The following SEL1L3 variants were observed in gnomAD, a reference collection of about 807,000 sequenced individuals.
SEL1L3 encodes protein sel-1 homolog 3.
In SEL1L3, 76 loss-of-function variants were observed where a neutral mutation model predicts 142.8. The ratio of observed to expected loss-of-function variants is 0.53; its 90% CI spans 0.44 to 0.64. SEL1L3 has a LOEUF of 0.64. SEL1L3 is among the 30% of genes least tolerant of loss of function. The pLI, the probability that SEL1L3 is intolerant of heterozygous loss-of-function variation, is 0.00. For synonymous variants in SEL1L3, 504 were observed against 519.6 expected, an observed-to-expected ratio of 0.97 and a Z score of 0.41; for missense variants, 1,262 against 1,381.7, an observed-to-expected ratio of 0.91 and a Z score of 1.37.
In SEL1L3 at chr4:25,841,788, C is replaced by T. The variant is rs534161687; in HGVS notation, c.733+5506G>A. On this transcript the variant is annotated intron_variant, in intron 2 of 23. Coordinates refer to ENST00000399878, the MANE Select transcript of SEL1L3 (RefSeq NM_015187.5). ...CAGCCTGGCCAACATAGCGAAACAC[C>T]ATCTCTACTGAAAATACAAAAATTA... Among the ~76,000 whole-genome samples, 5 of 152,186 alleles carry T rather than the reference C, an allele frequency of 3.3e-5. No individual in the cohort carries two copies. In the South Asian group the frequency reaches 1.0e-3, roughly 32 times the overall value.
At chr4:25,743,894 C>G (rs769837958), downstream of SEL1L3, among the ~76,000 whole-genome samples, 2 of 152,116 alleles carry the variant, frequency 1.3e-5, no homozygotes, top group African/African-American at 2.4e-5. Flanking sequence ...GGGTTCTATT[C>G]CAGCCAGCTT....
intron 9 of SEL1L3, 87 bp downstream of exon 9, chr4:25,818,051 A>T (rs747151013): frequency 2.2e-6 from 3 of 1,390,958 alleles, no homozygotes; most frequent in Non-Finnish European, 2.9e-6. Flanking sequence ...ACTTTAAGGC[A>T]TAAATCACCA....
At chr4:25,820,583 T>C (rs1714687982) in intron 7 of SEL1L3, among the ~76,000 whole-genome samples, 1 of 152,262 alleles carries the variant, frequency 6.6e-6, no homozygotes. Flanking sequence ...GGTCACACAG[T>C]TATTTCAGTG....
At chr4:25,770,384 T>G (rs1719072790) in intron 17 of SEL1L3, 1 of 152,106 alleles carries the variant, frequency 6.6e-6, no homozygotes. Flanking sequence ...GAGGAAACAC[T>G]GAAATCCATC....
At chr4:25,715,928 T>C in the SEL1L3 span, among the ~76,000 whole-genome samples, 1 of 152,188 alleles carries the variant, frequency 6.6e-6, no homozygotes, top group African/African-American at 2.4e-5. Flanking sequence ...ATTGGGTGAT[T>C]TGAAGAGGCA....
chr4:25,805,401 T>C (rs1713486849), intron 9 of SEL1L3, among the ~76,000 whole-genome samples: 1 of 152,160 alleles, frequency 6.6e-6, no homozygotes, highest in African/African-American at 2.4e-5. Flanking sequence ...AAGAATAACT[T>C]GTCTAAAGTT....
chr4:25,795,996 G>A (rs550866357), intron 11 of SEL1L3, among the ~76,000 whole-genome samples: 6 of 151,960 alleles, frequency 3.9e-5, no homozygotes, highest in Admixed American at 2.0e-4. Flanking sequence ...GGAACCAAGC[G>A]TCCCAGCCTG....
chr4:25,807,007 C>A (rs1332156811), intron 9 of SEL1L3, among the ~76,000 whole-genome samples: 1 of 152,088 alleles, frequency 6.6e-6, no homozygotes, highest in Admixed American at 6.5e-5. Context: ...TACAATAATT[C>A]GTATCCAAAT....
the SEL1L3 span, among the ~76,000 whole-genome samples, chr4:25,739,309 G>A: frequency 6.6e-6 from 1 of 152,150 alleles, no homozygotes; most frequent in Non-Finnish European, 1.5e-5. Context: ...GTAGAGAGAG[G>A]CCATAGAGAT....
At chr4:25,836,383 A>G (rs1715818831) in intron 2 of SEL1L3, among the ~76,000 whole-genome samples, 1 of 152,210 alleles carries the variant, frequency 6.6e-6, no homozygotes, top group African/African-American at 2.4e-5. Context: ...GTGGTGGCTC[A>G]CACCTGTAAT....
rs761270629 is a variant in SEL1L3 at position 25,832,980 on chromosome 4, C to T, written c.1098+15G>A. Reference sequence around the variant, plus strand: ...AATGCTCGTATGTCGTGTGATGAAGCGTGCATACAGATACCTGGCCTCCGT... The same window carrying T: ...AATGCTCGTATGTCGTGTGATGAAGTGTGCATACAGATACCTGGCCTCCGT... On this transcript the variant is annotated intron_variant, in intron 5 of 23. Coordinates refer to ENST00000399878, the MANE Select transcript of SEL1L3 (RefSeq NM_015187.5). 12 of 1,380,690 alleles carry T rather than the reference C, an allele frequency of 8.7e-6. No individual in the cohort carries two copies. The highest frequency in any genetic ancestry group is 4.3e-5 in the African/African-American group (3 of 70,202). The allele number at this position is 1,380,690 out of a possible 1,614,324, so 85.5% of individuals were successfully genotyped here.
intron 23 of SEL1L3, chr4:25,756,476 C>A (rs140840319): frequency 1.2e-5 from 12 of 984,776 alleles, no homozygotes; most frequent in Non-Finnish European, 1.4e-5. Context: ...AAGTATCTTA[C>A]GTGCATTTTT....
chr4:25,714,361 T>C, the SEL1L3 span, among the ~76,000 whole-genome samples: 1 of 141,962 alleles, frequency 7.0e-6, no homozygotes, highest in East Asian at 1.9e-4. Flanking sequence ...TAGAGCCTCA[T>C]ATACATTGCA....
the SEL1L3 span, among the ~76,000 whole-genome samples, chr4:25,739,736 GT>G: frequency 6.7e-6 from 1 of 150,248 alleles, no homozygotes; most frequent in African/African-American, 2.5e-5. Context: ...AAAAACCCAT[GT>G]GTGTATTCTG....
intron 2 of SEL1L3, among the ~76,000 whole-genome samples, chr4:25,843,995 A>C (rs1231030845): frequency 6.6e-6 from 1 of 152,220 alleles, no homozygotes; most frequent in Non-Finnish European, 1.5e-5. Context: ...AAGGAAAATG[A>C]AAGCAAGTCA....
chr4:25,858,670 C>T (rs1465771246), intron 1 of SEL1L3, among the ~76,000 whole-genome samples: 3 of 152,132 alleles, frequency 2.0e-5, no homozygotes, highest in Non-Finnish European at 2.9e-5. Context: ...ACTGTAACCT[C>T]TCCCTCCTGG....
chr4:25,855,009 T>C (rs1717161797), intron 1 of SEL1L3, among the ~76,000 whole-genome samples: 1 of 152,202 alleles, frequency 6.6e-6, no homozygotes, highest in Non-Finnish European at 1.5e-5. Flanking sequence ...CAGAACATGG[T>C]CTAAACCCTT....
intron 23 of SEL1L3, among the ~76,000 whole-genome samples, chr4:25,751,346 G>C (rs964178593): frequency 1.3e-5 from 2 of 152,306 alleles, no homozygotes; most frequent in Non-Finnish European, 2.9e-5. Context: ...AATCAGAAAT[G>C]AAGACTTGGG....
intron 1 of SEL1L3, among the ~76,000 whole-genome samples, chr4:25,861,630 C>CTT (rs143198162): frequency 0.015 from 2,058 of 135,420 alleles, 38 homozygotes; most frequent in African/African-American, 0.038. Context: ...TGACACTGCT[C>CTT]TTTTTTTTTT....
Sources: allele counts gnomAD v4.1 joint callset (sites outside exome capture counted in the v4.1 genomes callset), GRCh38; gene constraint gnomAD v4.1.1; transcripts MANE v1.5; gene names NCBI Gene and HGNC (gene_info 2026-07-23, HGNC 2026-07-21).